Variants in RAD54L2 observed in about 807,000 individuals in gnomAD.
RAD54L2 encodes the protein helicase ARIP4.
A neutral mutation model predicts 138.4 loss-of-function variants in RAD54L2; 27 were observed. That is an observed-to-expected ratio of 0.20 (90% CI 0.14 to 0.27). RAD54L2 has a LOEUF of 0.27. RAD54L2 is among the 10% of genes least tolerant of loss of function. The pLI is 1.00. For synonymous variants in RAD54L2, 644 were observed against 723.2 expected (o/e 0.89, Z 1.76); for missense variants, 1,396 against 1,890.2 (o/e 0.74, Z 4.85).
chr3:51,657,567 G>A lies in RAD54L2; in HGVS notation c.3227-13G>A, dbSNP rs1197954787. ...CCCGTGCAATCTAAATTTAAGATCT[G>A]TGTTTTTCCTAGATATTGTTATTCC... On this transcript the variant is annotated splice_polypyrimidine_tract_variant and intron_variant, in intron 20 of 22. Coordinates refer to ENST00000684192, the MANE Select transcript of RAD54L2 (RefSeq NM_015106.4). The A allele has an allele frequency of 2.0e-6, 3 of 1,521,224 alleles. No individual in the cohort carries two copies. The highest frequency in any genetic ancestry group is 2.7e-6 in the Non-Finnish European group (3 of 1,114,502). The allele number at this position is 1,521,224 out of a possible 1,614,324, so 94.2% of individuals were successfully genotyped here.
intron 3 of RAD54L2, among the ~76,000 whole-genome samples, chr3:51,605,989 G>T (rs912646693): frequency 6.6e-6 from 1 of 152,146 alleles, no homozygotes; most frequent in Non-Finnish European, 1.5e-5. Flanking sequence ...ATTCGTAACT[G>T]TTGGATTAAG....
Position 51,641,729 on chromosome 3 carries a change from C to T in RAD54L2, c.2232-20C>T, listed in dbSNP as rs373699054. On this transcript the variant is annotated intron_variant, in intron 14 of 22. Transcript: ENST00000684192. ...CCCTCAATTCTGGGAGCCATCTGAA[C>T]GAAATGTTTTCTGTTTCAGCCAGAG... The T allele has an allele frequency of 2.6e-5, 39 of 1,500,840 alleles. No homozygotes were observed. The highest frequency in any genetic ancestry group is 1.5e-4 in the Admixed American group (8 of 51,634). The allele number at this position is 1,500,840 out of a possible 1,614,324, so 93.0% of individuals were successfully genotyped here.
chr3:51,572,725 G>T (rs1325235505), intron 2 of RAD54L2, among the ~76,000 whole-genome samples: 2 of 146,242 alleles, frequency 1.4e-5, no homozygotes, highest in African/African-American at 2.5e-5. Context: ...TGCAACCTCC[G>T]CCTCCCGGGT....
At chr3:51,569,007 G>A (rs1006157919) in intron 2 of RAD54L2, among the ~76,000 whole-genome samples, 1 of 152,158 alleles carries the variant, frequency 6.6e-6, no homozygotes, top group Non-Finnish European at 1.5e-5. Context: ...CCAAAGTGGA[G>A]GAGTTAAGGT....
At chr3:51,581,249 C>T (rs1699603101) in intron 2 of RAD54L2, among the ~76,000 whole-genome samples, 1 of 152,150 alleles carries the variant, frequency 6.6e-6, no homozygotes, top group Admixed American at 6.6e-5. Context: ...AGGCACGCAC[C>T]ACCACAACCG....
At chr3:51,607,742 C>T (rs1700223727) in intron 3 of RAD54L2, among the ~76,000 whole-genome samples, 1 of 150,116 alleles carries the variant, frequency 6.7e-6, no homozygotes, top group Non-Finnish European at 1.5e-5. Context: ...GGGCTCCTTA[C>T]TTCCCAGACG....
rs1402302086 is a variant in RAD54L2, at chr3:51,662,388, G to A, written c.3410-38G>A. The A allele has an allele frequency of 6.8e-7, 1 of 1,467,134 alleles. No homozygotes were observed. The allele number at this position is 1,467,134 out of a possible 1,614,324, so 90.9% of individuals were successfully genotyped here. A position where few individuals can be genotyped will look rare whatever the true frequency, so the allele number is the denominator to read the frequency against. On this transcript the variant is annotated intron_variant, in intron 22 of 22. Transcript: ENST00000684192. This position sits in a 1 kb window ranked among gnomAD's most constrained non-coding sequence, Gnocchi z 4.6. ...CTCCTCTACCCTTCTTCTCTCCCTG[G>A]CCACTCTGATTCTCAGTTAACTACA...
At chr3:51,614,196 C>G (rs1700394051) in intron 3 of RAD54L2, among the ~76,000 whole-genome samples, 1 of 150,856 alleles carries the variant, frequency 6.6e-6, no homozygotes, top group Non-Finnish European at 1.5e-5. Context: ...GAGTTTTGCT[C>G]TGTTGCCCAA....
At chr3:51,582,107 A>G (rs550100992) in intron 2 of RAD54L2, among the ~76,000 whole-genome samples, 3 of 152,002 alleles carry the variant, frequency 2.0e-5, no homozygotes, top group Non-Finnish European at 2.9e-5. Context: ...AGGTCTCACT[A>G]TGTTGCCCAG....
chr3:51,663,508 G>A lies in RAD54L2; in HGVS notation c.*88G>A. 1 of 1,403,786 alleles carries A rather than the reference G, an allele frequency of 7.1e-7. No individual in the cohort carries two copies. 87.0% of individuals were successfully genotyped at this position (1,403,786 alleles called of 1,614,324 possible). ...AGTGATTTAGACCTTTTGAGAATAGGACACTTGGCAGGAGGGAAAAGGAAG... is the reference window on the plus strand; with the variant it reads ...AGTGATTTAGACCTTTTGAGAATAGAACACTTGGCAGGAGGGAAAAGGAAG... On this transcript the variant is annotated 3_prime_UTR_variant, in exon 23 of 23. Coordinates refer to ENST00000684192, the MANE Select transcript of RAD54L2 (RefSeq NM_015106.4).
intron 3 of RAD54L2, among the ~76,000 whole-genome samples, chr3:51,608,238 G>C (rs1700248452): frequency 6.6e-6 from 1 of 151,758 alleles, no homozygotes; most frequent in African/African-American, 2.4e-5. Context: ...GGGGCGGCGG[G>C]GCAGAGGCAC....
chr3:51,644,060 T>A, intron 16 of RAD54L2, 86 bp downstream of exon 16: 1 of 988,824 alleles, frequency 1.0e-6, no homozygotes. Context: ...CCAAGTTCCC[T>A]CAGAAGAGAT....
At chr3:51,601,234 G>C (rs1488882898) in intron 3 of RAD54L2, among the ~76,000 whole-genome samples, 1 of 151,262 alleles carries the variant, frequency 6.6e-6, no homozygotes, top group Non-Finnish European at 1.5e-5. Context: ...GGCTGGTCTT[G>C]AACTCCTGAC....
chr3:51,580,048 G>A (rs199527946), intron 2 of RAD54L2, among the ~76,000 whole-genome samples: 4 of 151,734 alleles, frequency 2.6e-5, no homozygotes, highest in South Asian at 2.1e-4. Flanking sequence ...TGACACTGCC[G>A]GGAGTTGGAG....
chr3:51,654,205 G>C (rs182324918), intron 19 of RAD54L2, among the ~76,000 whole-genome samples: 1 of 152,082 alleles, frequency 6.6e-6, no homozygotes, highest in African/African-American at 2.4e-5. Context: ...ACACCACCAC[G>C]CGTGGCTAAT....
At chr3:51,584,037 A>G (rs1699662863) in intron 2 of RAD54L2, among the ~76,000 whole-genome samples, 1 of 152,090 alleles carries the variant, frequency 6.6e-6, no homozygotes, top group Non-Finnish European at 1.5e-5. Flanking sequence ...AGATTAACTC[A>G]GGCCCATTTC....
chr3:51,553,221 G>T (rs1272682987), intron 2 of RAD54L2, among the ~76,000 whole-genome samples: 6 of 152,010 alleles, frequency 3.9e-5, no homozygotes, highest in Non-Finnish European at 8.8e-5. Flanking sequence ...GGGACTACAG[G>T]TGCCCACTAC....
At chr3:51,597,969 AG>A (rs1176033861) in intron 3 of RAD54L2, among the ~76,000 whole-genome samples, 141 of 151,346 alleles carry the variant, frequency 9.3e-4, no homozygotes, top group African/African-American at 3.4e-3. Context: ...AAAAAAAAAA[AG>A]AATGAATATC....
Position 51,590,501 on chromosome 3 carries a change from G to A in RAD54L2, c.81G>A (p.Glu27=). 6.4e-7 allele frequency: 1 copy of A among 1,552,466 alleles called. No homozygotes were observed. Among genetic ancestry groups the A allele is most frequent in the Non-Finnish European group, 8.7e-7 (1 of 1,147,172 alleles). Residue 27 remains glutamate (E), a synonymous_variant, in exon 3 of 23, where the codon GAG becomes GAA. Transcript: ENST00000684192. ...TGGAGGATGCGGAAGAGGAGGAGGA[G>A]GAGGAGGAGGTGGCAGTGGAGGAGT... ...VELEDAEEEE[E]EEEVAVEECD...
Sources: gnomAD v4.1 joint callset for allele counts (sites outside exome capture counted in the v4.1 genomes callset) on GRCh38, gnomAD v4.1.1 for gene constraint, Gnocchi (gnomAD v3.1) non-coding constraint, MANE v1.5 for transcripts, NCBI Gene and HGNC (gene_info 2026-07-23, HGNC 2026-07-21) for gene names.